Variants in WWOX observed in about 807,000 individuals in gnomAD.
WWOX encodes WW domain-containing oxidoreductase.
WWOX carries 69 observed loss-of-function variants against 46.2 expected under a neutral mutation model. That is an observed-to-expected ratio of 1.49 (90% CI 1.23 to 1.82). The LOEUF is 1.82. Among genes scored for constraint, WWOX ranks in the 40% most tolerant of loss-of-function variants. The probability of loss-of-function intolerance (pLI) is 0.00; values close to 1 mark genes in which losing one functional copy is unlikely to be tolerated. For missense variants in WWOX, 919 were observed against 542.6 expected (o/e 1.69, Z -6.89); for synonymous variants, 359 against 202.6 (o/e 1.77, Z -6.56).
chr16:78,456,792 C>G (rs1337635759), intron 8 of WWOX, among the ~76,000 whole-genome samples: 2 of 152,186 alleles, frequency 1.3e-5, no homozygotes, highest in African/African-American at 4.8e-5. Context: ...ATTTAAAGTG[C>G]TGTGGCTTTT....
chr16:78,659,962 A>G (rs2047174395), intron 8 of WWOX, among the ~76,000 whole-genome samples: 1 of 152,184 alleles, frequency 6.6e-6, no homozygotes. Context: ...GCATGCAAAA[A>G]AAAGCCCAGT....
intron 8 of WWOX, among the ~76,000 whole-genome samples, chr16:78,736,420 A>C (rs1161799942): frequency 1.3e-5 from 2 of 152,178 alleles, no homozygotes; most frequent in Non-Finnish European, 2.9e-5. Flanking sequence ...GGATCTGACC[A>C]GGCCACCAAC....
chr16:78,783,995 T>G (rs1165825187), intron 8 of WWOX, among the ~76,000 whole-genome samples: 1 of 151,872 alleles, frequency 6.6e-6, no homozygotes, highest in South Asian at 2.1e-4. Flanking sequence ...GGTGATAATG[T>G]TGGTGATGGT....
chr16:78,356,386 T>C (rs2081291350), intron 5 of WWOX, among the ~76,000 whole-genome samples: 2 of 152,134 alleles, frequency 1.3e-5, no homozygotes, highest in African/African-American at 4.8e-5. Flanking sequence ...TTCAAAGCCT[T>C]CTTCTAAAAT....
chr16:79,178,452 A>G lies in WWOX; in HGVS notation c.1057-33156A>G, dbSNP rs540353176. ...TTGCCTTAGCCACCCGAGTAGCTGG[A>G]TGACAGGTGAGCACCACCATGCCTG... On this transcript the variant is annotated intron_variant, in intron 8 of 8. Coordinates refer to ENST00000566780, the MANE Select transcript of WWOX (RefSeq NM_016373.4). Among the ~76,000 whole-genome samples the G allele has an allele frequency of 5.9e-5, 9 of 152,210 alleles. No individual in the cohort carries two copies. The East Asian group carries it at 1.7e-3, about 29-fold the overall frequency.
chr16:78,845,361 C>T (rs1341653914), intron 8 of WWOX, among the ~76,000 whole-genome samples: 4 of 152,146 alleles, frequency 2.6e-5, no homozygotes, highest in African/African-American at 4.8e-5. Flanking sequence ...TCACAGACCA[C>T]GGCCATTCTG....
intron 8 of WWOX, among the ~76,000 whole-genome samples, chr16:78,860,244 A>G (rs530712893): frequency 2.6e-5 from 4 of 152,200 alleles, no homozygotes; most frequent in Non-Finnish European, 4.4e-5. Context: ...CAATTCCACT[A>G]TAGTAGATGC....
intron 8 of WWOX, among the ~76,000 whole-genome samples, chr16:78,726,471 G>A (rs956114312): frequency 6.6e-6 from 1 of 151,918 alleles, no homozygotes; most frequent in Non-Finnish European, 1.5e-5. Flanking sequence ...TGGCCTCAAG[G>A]GATTCTCCTC....
At chr16:79,053,473 G>C (rs2048207353) in intron 8 of WWOX, among the ~76,000 whole-genome samples, 1 of 152,106 alleles carries the variant, frequency 6.6e-6, no homozygotes, top group African/African-American at 2.4e-5. Flanking sequence ...AGATTAATTA[G>C]GTTTATAATT....
intron 8 of WWOX, among the ~76,000 whole-genome samples, chr16:78,627,297 C>A (rs985941928): frequency 6.6e-6 from 1 of 152,138 alleles, no homozygotes. Flanking sequence ...CTAGTCTGGT[C>A]TTAAAGTCCC....
intron 5 of WWOX, among the ~76,000 whole-genome samples, chr16:78,289,663 T>C (rs916987816): frequency 2.0e-5 from 3 of 152,244 alleles, no homozygotes; most frequent in African/African-American, 7.2e-5. Context: ...TAAGTTTATA[T>C]ACACAGATTC....
Position 79,148,490 on chromosome 16 carries a change from G to A in WWOX, c.1057-63118G>A, listed in dbSNP as rs554221775. ...AGCTATGTAGTAAGCCTCATGTCAGGTAGAGTGATTCTTCTCACTGTATTC... is the reference window on the plus strand; with the variant it reads ...AGCTATGTAGTAAGCCTCATGTCAGATAGAGTGATTCTTCTCACTGTATTC... On this transcript the variant is annotated intron_variant, in intron 8 of 8. Transcript: ENST00000566780. Among the ~76,000 whole-genome samples, 3 of 152,218 alleles carry A rather than the reference G, an allele frequency of 2.0e-5. No homozygotes were observed. The East Asian group carries it at 5.8e-4, about 29-fold the overall frequency.
intron 6 of WWOX, among the ~76,000 whole-genome samples, chr16:78,421,247 G>T (rs1366544086): frequency 1.3e-5 from 2 of 152,152 alleles, no homozygotes; most frequent in Non-Finnish European, 1.5e-5. Flanking sequence ...AAATCAAGTG[G>T]TTTGCAGCGT....
chr16:79,030,833 A>G (rs1008484616), intron 8 of WWOX, among the ~76,000 whole-genome samples: 1 of 152,186 alleles, frequency 6.6e-6, no homozygotes, highest in African/African-American at 2.4e-5. Flanking sequence ...CTGTAATTCT[A>G]GCACTTTGGG....
intron 8 of WWOX, among the ~76,000 whole-genome samples, chr16:79,022,617 T>C (rs1470041960): frequency 6.6e-6 from 1 of 152,212 alleles, no homozygotes; most frequent in Admixed American, 6.5e-5. Flanking sequence ...AGTCCCAGTT[T>C]TAATTACAAG....
intron 8 of WWOX, among the ~76,000 whole-genome samples, chr16:79,191,473 A>G (rs1027486538): frequency 6.6e-6 from 1 of 152,080 alleles, no homozygotes; most frequent in African/African-American, 2.4e-5. Context: ...GCTTATTTCA[A>G]AGTAGCTACA....
chr16:78,910,112 T>C (rs1423786011), intron 8 of WWOX, among the ~76,000 whole-genome samples: 1 of 148,644 alleles, frequency 6.7e-6, no homozygotes, highest in Non-Finnish European at 1.5e-5. Flanking sequence ...TCGTTTGTGC[T>C]TTGTTAAATA....
intron 8 of WWOX, among the ~76,000 whole-genome samples, chr16:78,836,732 C>G (rs1292026386): frequency 1.3e-5 from 2 of 152,122 alleles, no homozygotes; most frequent in South Asian, 4.2e-4. Context: ...TGGTAAGTGG[C>G]AGAGATGAGG....
chr16:79,079,625 C>T (rs1050622929), intron 8 of WWOX, among the ~76,000 whole-genome samples: 1 of 152,228 alleles, frequency 6.6e-6, no homozygotes, highest in East Asian at 1.9e-4. Flanking sequence ...ACCTGTCATT[C>T]ACTAAGTCTT....
Sources: allele counts gnomAD v4.1 joint callset (sites outside exome capture counted in the v4.1 genomes callset), GRCh38; gene constraint gnomAD v4.1.1; transcripts MANE v1.5; gene names NCBI Gene and HGNC (gene_info 2026-07-23, HGNC 2026-07-21).